Variants in RNF216 observed in about 807,000 individuals in gnomAD.
RNF216 encodes the protein E3 ubiquitin-protein ligase RNF216.
RNF216 carries 72 observed loss-of-function variants against 110.8 expected under a neutral mutation model. The ratio of observed to expected loss-of-function variants is 0.65; its 90% CI spans 0.54 to 0.79. The LOEUF (loss-of-function observed/expected upper bound fraction) is 0.79. Ranked by LOEUF, RNF216 falls within the 30% of genes least tolerant of loss-of-function variation. RNF216 has a pLI of 0.00. For missense variants in RNF216, 1,342 were observed against 1,141.2 expected, an observed-to-expected ratio of 1.18 and a Z score of -2.54; for synonymous variants, 495 against 407.5, an observed-to-expected ratio of 1.21 and a Z score of -2.59.
chr7:5,635,485 T>C (rs1787343412), intron 15 of RNF216, among the ~76,000 whole-genome samples: 1 of 152,080 alleles, frequency 6.6e-6, no homozygotes, highest in African/African-American at 2.4e-5. Context: ...CTAAAATACC[T>C]TTCCTTACCA....
chr7:5,632,825 G>A (rs1184058538), intron 15 of RNF216, among the ~76,000 whole-genome samples: 1 of 152,104 alleles, frequency 6.6e-6, no homozygotes, highest in East Asian at 1.9e-4. Flanking sequence ...ACTCCAGAAG[G>A]TGTACCTATG....
intron 1 of RNF216, among the ~76,000 whole-genome samples, chr7:5,778,224 G>C (rs1303115861): frequency 6.6e-6 from 1 of 152,164 alleles, no homozygotes; most frequent in African/African-American, 2.4e-5. Flanking sequence ...TCACCATTCA[G>C]TAGTAACAAT....
At position 5,680,993 on chromosome 7, in the gene RNF216, C is replaced by T. The variant is rs1046789557; in HGVS notation, c.2062-28483G>A. Among the ~76,000 whole-genome samples, 1 of 152,148 alleles carries T rather than the reference C, an allele frequency of 6.6e-6. No homozygotes were observed. Among genetic ancestry groups the T allele is most frequent in the Admixed American group, 6.5e-5 (1 of 15,274 alleles). ...GGAGAGCCTGGACTTCAGGCCATCC[C>T]ACCCCTCACTCCCTCTCATGCTGCT... On this transcript the variant is annotated intron_variant, in intron 13 of 16. Transcript: ENST00000389902. This position sits in a 1 kb window ranked among gnomAD's most constrained non-coding sequence, Gnocchi z 4.3.
At chr7:5,700,654 G>A (rs1274716665) in intron 13 of RNF216, among the ~76,000 whole-genome samples, 1 of 152,158 alleles carries the variant, frequency 6.6e-6, no homozygotes, top group East Asian at 1.9e-4. Context: ...AGTACCCATA[G>A]AAACTCGTTA....
chr7:5,770,595 C>T lies in RNF216; in HGVS notation c.-69-9457G>A, dbSNP rs145676952. On this transcript the variant is annotated intron_variant, in intron 1 of 16. Transcript: ENST00000389902. ...AAATTGATGTGTAGATTTAATACAA[C>T]CTTTATCAGGTTTTAAGAATAGATA... 3.0e-3 allele frequency among the ~76,000 whole-genome samples: 455 copies of T among 151,770 alleles called. 3 individuals carry two copies. Among genetic ancestry groups the T allele is most frequent in the Non-Finnish European group, 5.1e-3 (349 of 67,946 alleles).
intron 13 of RNF216, among the ~76,000 whole-genome samples, chr7:5,705,487 A>C (rs1562410088): frequency 6.6e-6 from 1 of 152,184 alleles, no homozygotes; most frequent in African/African-American, 2.4e-5. Context: ...GATCCTTATC[A>C]GTCAGGATGT....
intron 15 of RNF216, among the ~76,000 whole-genome samples, chr7:5,639,391 AAC>A (rs1562778943): frequency 6.6e-6 from 1 of 152,122 alleles, no homozygotes. Context: ...ATAGAGGAGA[AAC>A]ACACTTCTGT....
Position 5,624,639 on chromosome 7 carries a change from G to A in RNF216, c.2383-514C>T, listed in dbSNP as rs760297983. Among the ~76,000 whole-genome samples the A allele has an allele frequency of 2.0e-5, 3 of 152,214 alleles. No homozygotes were observed. ...GGCCTTGGCTCCTGGGCCAGGCCTC[G>A]GGGAGAGGAGGAAGGTGCGACAGTG... On this transcript the variant is annotated intron_variant, in intron 15 of 16. Coordinates refer to ENST00000389902, the MANE Select transcript of RNF216 (RefSeq NM_207111.4). This position sits in a 1 kb window ranked among gnomAD's most constrained non-coding sequence, Gnocchi z 4.4.
At position 5,726,686 on chromosome 7, in the gene RNF216, C is replaced by T. The variant is rs372890069; in HGVS notation, c.1390-1248G>A. Among the ~76,000 whole-genome samples the T allele has an allele frequency of 5.9e-4, 89 of 152,070 alleles. 1 individual carries two copies. In the South Asian group the frequency reaches 0.012, roughly 21 times the overall value. On this transcript the variant is annotated intron_variant, in intron 7 of 16. Transcript: ENST00000389902. ...CAGCCTGGACAACATGGCAAAACCC[C>T]GTCTCTAGTAAAAATACAAAAAATT...
chr7:5,734,802 C>A (rs1011814332), intron 5 of RNF216, among the ~76,000 whole-genome samples: 5 of 143,116 alleles, frequency 3.5e-5, no homozygotes, highest in African/African-American at 1.3e-4. Flanking sequence ...CCAGCTTGGG[C>A]GACAAGGGCA....
intron 14 of RNF216, among the ~76,000 whole-genome samples, chr7:5,642,114 ATTACC>A (rs1787772185): frequency 6.6e-6 from 1 of 151,012 alleles, no homozygotes; most frequent in Non-Finnish European, 1.5e-5. Context: ...ATTTAGTACT[ATTACC>A]TTAATGAGTC....
intron 7 of RNF216, among the ~76,000 whole-genome samples, chr7:5,728,879 G>A (rs1349133897): frequency 1.3e-5 from 2 of 152,352 alleles, no homozygotes; most frequent in East Asian, 3.9e-4. Flanking sequence ...AGCAGGCACT[G>A]TGTGCTGTCC....
intron 13 of RNF216, among the ~76,000 whole-genome samples, chr7:5,658,705 T>C (rs1397700415): frequency 7.9e-5 from 12 of 151,390 alleles, no homozygotes; most frequent in Admixed American, 7.9e-4. Context: ...TAAAGCAGTA[T>C]ATTTTAAAGT....
chr7:5,688,487 C>G lies in RNF216; in HGVS notation c.2061+23274G>C, dbSNP rs538204690. 1.4e-4 allele frequency among the ~76,000 whole-genome samples: 21 copies of G among 152,276 alleles called. No homozygotes were observed. The East Asian group carries it at 3.9e-3, about 28-fold the overall frequency. Reference sequence around the variant, plus strand: ...CACATACTGAATGTGCTAAGAAATACAGAAGTTATTATAAACAAAAAGCAA... The same window carrying G: ...CACATACTGAATGTGCTAAGAAATAGAGAAGTTATTATAAACAAAAAGCAA... On this transcript the variant is annotated intron_variant, in intron 13 of 16. Transcript: ENST00000389902.
chr7:5,664,310 A>C (rs1301817891), intron 13 of RNF216, among the ~76,000 whole-genome samples: 1 of 152,212 alleles, frequency 6.6e-6, no homozygotes, highest in Non-Finnish European at 1.5e-5. Context: ...AATTCATTAC[A>C]GCTTCAGCCT....
chr7:5,768,684 CAG>C (rs370379222), intron 1 of RNF216, among the ~76,000 whole-genome samples: 1,768 of 139,658 alleles, frequency 0.013, 32 homozygotes, highest in African/African-American at 0.044. Context: ...TTTTTTGGGA[CAG>C]AGTCTTGCTC....
At chr7:5,685,147 CT>C (rs1790896429) in intron 13 of RNF216, among the ~76,000 whole-genome samples, 1 of 152,180 alleles carries the variant, frequency 6.6e-6, no homozygotes, top group Admixed American at 6.5e-5. Context: ...TCACTGGAGG[CT>C]CATGGCCTCC....
chr7:5,666,124 C>T (rs1011400776), intron 13 of RNF216, among the ~76,000 whole-genome samples: 10 of 150,526 alleles, frequency 6.6e-5, no homozygotes, highest in Admixed American at 6.6e-4. Context: ...GGAGATCACG[C>T]CACTGCACTC....
rs200420546 is a variant in RNF216 at position 5,623,055 on chromosome 7, G to A, written c.2577C>T (p.Phe859=). The change falls in exon 17 of 17, where the codon TTC becomes TTT. Residue 859 remains phenylalanine, a synonymous_variant. Coordinates refer to ENST00000389902, the MANE Select transcript of RNF216 (RefSeq NM_207111.4). The part of the protein sequence containing the change: ...LPQPQMPPYA[F]AHPPFPLPPV... ...GAGGCAGGGGGAAGGGTGGGTGCGC[G>A]AAGGCATAGGGTGGCATCTGTGGCT... The A allele has an allele frequency of 3.1e-6, 5 of 1,613,996 alleles. No homozygotes were observed. The highest frequency in any genetic ancestry group is 2.2e-5 in the East Asian group (1 of 44,878).
Sources: allele counts gnomAD v4.1 joint callset (sites outside exome capture counted in the v4.1 genomes callset), GRCh38; gene constraint gnomAD v4.1.1; non-coding constraint Gnocchi (gnomAD v3.1); transcripts MANE v1.5; gene names NCBI Gene and HGNC (gene_info 2026-07-23, HGNC 2026-07-21).